Variants in ACER2 observed in about 807,000 individuals in gnomAD.
The protein encoded by ACER2 is alkaline ceramidase 2.
ACER2 carries 26 observed loss-of-function variants against 34.7 expected under a neutral mutation model. That is an observed-to-expected ratio of 0.75 (90% CI 0.55 to 1.04). The LOEUF (loss-of-function observed/expected upper bound fraction) is 1.04. Ranked by LOEUF, ACER2 falls within the 50% of genes least tolerant of loss-of-function variation. The pLI is 0.00. For missense variants in ACER2, 352 were observed against 340.8 expected (o/e 1.03, Z -0.26); for synonymous variants, 138 against 132.1 (o/e 1.04, Z -0.31).
intron 5 of ACER2, among the ~76,000 whole-genome samples, chr9:19,448,937 G>A (rs183126614): frequency 3.3e-5 from 5 of 152,148 alleles, no homozygotes; most frequent in East Asian, 3.9e-4. Flanking sequence ...TCAGGAGATC[G>A]AGACCATCCT....
intron 3 of ACER2, among the ~76,000 whole-genome samples, chr9:19,432,985 C>T (rs1395308215): frequency 1.3e-5 from 2 of 151,684 alleles, no homozygotes; most frequent in South Asian, 2.1e-4. Flanking sequence ...TGAAAACATA[C>T]GGAAAAATCG....
chr9:19,434,319 T>C (rs867817690), intron 3 of ACER2, among the ~76,000 whole-genome samples: 1,643 of 143,430 alleles, frequency 0.011, 35 homozygotes, highest in African/African-American at 0.039. Context: ...GCTCCTCACA[T>C]CCCAGACGAT....
At chr9:19,434,816 A>G (rs1830907323) in intron 3 of ACER2, 131 bp from the exon 4 acceptor site, 1 of 1,209,232 alleles carries the variant, frequency 8.3e-7, no homozygotes, top group African/African-American at 1.5e-5. Flanking sequence ...GGCTTTTTGA[A>G]CCTTGGTACT....
intron 2 of ACER2, 51 bp downstream of exon 2, chr9:19,424,027 G>T (rs756207259): frequency 6.5e-6 from 9 of 1,381,790 alleles, no homozygotes; most frequent in Non-Finnish European, 9.3e-6. Flanking sequence ...TGGGATGGGG[G>T]TAGAAGGAAT....
At position 19,435,104 on chromosome 9, in the gene ACER2, C is replaced by T. The variant is rs1830917196; in HGVS notation, c.503+20C>T. The T allele has an allele frequency of 1.2e-6, 2 of 1,613,616 alleles. No individual in the cohort carries two copies. Among genetic ancestry groups the T allele is most frequent in the Non-Finnish European group, 1.7e-6 (2 of 1,179,708 alleles). On this transcript the variant is annotated intron_variant, in intron 4 of 5. Transcript: ENST00000340967. ...AAAGAGGTAGGTGCCATCATTCCTG[C>T]CTACCCTTAGCTGTCCCCGTGCTGG...
intron 1 of ACER2, among the ~76,000 whole-genome samples, chr9:19,413,700 T>C (rs1056995749): frequency 3.3e-5 from 5 of 152,126 alleles, no homozygotes; most frequent in African/African-American, 4.8e-5. Context: ...AGCTTGGCCT[T>C]TGGGGACTCT....
intron 1 of ACER2, among the ~76,000 whole-genome samples, chr9:19,413,718 A>T (rs1013988788): frequency 1.3e-5 from 2 of 152,154 alleles, no homozygotes; most frequent in Non-Finnish European, 2.9e-5. Flanking sequence ...TCTGTTGCTC[A>T]GCAGGGACTT....
intron 3 of ACER2, among the ~76,000 whole-genome samples, chr9:19,431,729 A>G (rs1830760386): frequency 1.3e-5 from 2 of 152,206 alleles, no homozygotes; most frequent in Admixed American, 1.3e-4. Context: ...CCTCTGGTAG[A>G]GGTTCAGAGC....
At chr9:19,413,926 G>A (rs1172651068) in intron 1 of ACER2, among the ~76,000 whole-genome samples, 1 of 152,162 alleles carries the variant, frequency 6.6e-6, no homozygotes, top group African/African-American at 2.4e-5. Context: ...AGCATTTGCT[G>A]GGCAACAACT....
chr9:19,434,944 C>G lies in ACER2; in HGVS notation c.366-3C>G, dbSNP rs1264731806. On this transcript the variant is annotated splice_polypyrimidine_tract_variant and splice_region_variant and intron_variant, in intron 3 of 5. Coordinates refer to ENST00000340967, the MANE Select transcript of ACER2 (RefSeq NM_001010887.3). Reference sequence around the variant, plus strand: ...GGATTTGGTTTTGCTTTCATGGATTCAGGGGTAGGTTCAAGGTGGTGGTCA... The same window carrying G: ...GGATTTGGTTTTGCTTTCATGGATTGAGGGGTAGGTTCAAGGTGGTGGTCA... 1 of 1,613,226 alleles carries G rather than the reference C, an allele frequency of 6.2e-7. No homozygotes were observed. Among genetic ancestry groups the G allele is most frequent in the African/African-American group, 1.3e-5 (1 of 75,026 alleles).
At chr9:19,409,233 G>A (rs1213648354) in intron 1 of ACER2, 41 bp downstream of exon 1, 1 of 1,540,990 alleles carries the variant, frequency 6.5e-7, no homozygotes, top group African/African-American at 1.4e-5. Flanking sequence ...GGGCCAGCGG[G>A]AGGGGGCTGT....
At position 19,451,374 on chromosome 9, in the gene ACER2, G is replaced by T. The variant is rs1397374941; in HGVS notation, c.*738G>T. ...AACAGATGAAACACACACAGGACTTGTGGCTAAAAAGGCTAGTTTTTCACT... is the reference window on the plus strand; with the variant it reads ...AACAGATGAAACACACACAGGACTTTTGGCTAAAAAGGCTAGTTTTTCACT... On this transcript the variant is annotated 3_prime_UTR_variant, in exon 6 of 6. Coordinates refer to ENST00000340967, the MANE Select transcript of ACER2 (RefSeq NM_001010887.3). 1 of 152,662 alleles carries T rather than the reference G, an allele frequency of 6.6e-6. No individual in the cohort carries two copies. Among genetic ancestry groups the T allele is most frequent in the Non-Finnish European group, 1.5e-5 (1 of 68,040 alleles). 9.5% of individuals were successfully genotyped at this position (152,662 alleles called of 1,614,324 possible).
chr9:19,432,115 C>T (rs903696994), intron 3 of ACER2, among the ~76,000 whole-genome samples: 9 of 152,218 alleles, frequency 5.9e-5, no homozygotes, highest in African/African-American at 2.2e-4. Context: ...CCGGCTCTTT[C>T]TACTGAAATG....
intron 3 of ACER2, among the ~76,000 whole-genome samples, chr9:19,434,572 A>G (rs889210601): frequency 7.2e-5 from 11 of 152,230 alleles, no homozygotes; most frequent in Non-Finnish European, 1.5e-4. Context: ...GGAGCTGGAG[A>G]CCAGCCTGGC....
intron 1 of ACER2, among the ~76,000 whole-genome samples, chr9:19,423,441 C>T (rs1381753010): frequency 1.3e-5 from 2 of 152,210 alleles, no homozygotes; most frequent in African/African-American, 4.8e-5. Context: ...TGGCTTATGC[C>T]TGCAATCCCA....
chr9:19,417,979 A>G (rs1021069877), intron 1 of ACER2, among the ~76,000 whole-genome samples: 1 of 152,164 alleles, frequency 6.6e-6, no homozygotes, highest in Admixed American at 6.6e-5. Flanking sequence ...GGCTAAATCT[A>G]CAAGGAACTT....
intron 5 of ACER2, among the ~76,000 whole-genome samples, chr9:19,448,888 C>T (rs896368327): frequency 1.3e-5 from 2 of 152,198 alleles, no homozygotes; most frequent in Non-Finnish European, 2.9e-5. Context: ...CGCCCGTAAT[C>T]TCAGCACTTT....
At chr9:19,436,643 C>T (rs1589057867) in intron 4 of ACER2, among the ~76,000 whole-genome samples, 1 of 152,188 alleles carries the variant, frequency 6.6e-6, no homozygotes, top group Middle Eastern at 3.4e-3. Context: ...TATTGTAGTC[C>T]TCCTTCTCTG....
At chr9:19,431,982 C>T (rs1830768438) in intron 3 of ACER2, among the ~76,000 whole-genome samples, 1 of 152,166 alleles carries the variant, frequency 6.6e-6, no homozygotes, top group Non-Finnish European at 1.5e-5. Flanking sequence ...AAATCATGTA[C>T]TCCTAAATTG....
Sources: allele counts gnomAD v4.1 joint callset (sites outside exome capture counted in the v4.1 genomes callset), GRCh38; gene constraint gnomAD v4.1.1; transcripts MANE v1.5; gene names NCBI Gene and HGNC (gene_info 2026-07-23, HGNC 2026-07-21).